Variants in PTPRD observed in about 807,000 individuals in gnomAD.
PTPRD encodes protein tyrosine phosphatase receptor type D.
In PTPRD, 34 loss-of-function variants were observed where a neutral mutation model predicts 214.5. The observed-to-expected ratio is 0.16, with a 90% CI of 0.12 to 0.21. PTPRD has a LOEUF of 0.21. Among genes scored for constraint, PTPRD ranks in the 10% least tolerant of loss-of-function variants. The pLI is 1.00. For synonymous variants in PTPRD, 1,128 were observed against 845.7 expected, an observed-to-expected ratio of 1.33 and a Z score of -5.79; for missense variants, 2,545 against 2,398.7, an observed-to-expected ratio of 1.06 and a Z score of -1.27.
chr9:9,338,589 T>C (rs891861054), intron 9 of PTPRD, among the ~76,000 whole-genome samples: 38 of 152,144 alleles, frequency 2.5e-4, no homozygotes, highest in Non-Finnish European at 8.8e-5. Context: ...AGCTAAACTA[T>C]TGGTATAAAA....
intron 4 of PTPRD, among the ~76,000 whole-genome samples, chr9:9,962,974 T>C (rs76463014): frequency 0.059 from 8,914 of 151,924 alleles, 257 homozygotes; most frequent in African/African-American, 0.074. Context: ...AATAGTATAG[T>C]AGTACCATTA....
In PTPRD at chr9:8,389,373, G is replaced by A. The variant is rs2135664469; in HGVS notation, c.4245C>T (p.Tyr1415=). The A allele has an allele frequency of 1.2e-6, 2 of 1,611,034 alleles. No individual in the cohort carries two copies. The highest frequency in any genetic ancestry group is 1.7e-6 in the Non-Finnish European group (2 of 1,178,574). ...CATTTTGCTTCCTATACCCATCTATGTAGTTGGCATTCACATAGTCACTTC... is the reference window on the plus strand; with the variant it reads ...CATTTTGCTTCCTATACCCATCTATATAGTTGGCATTCACATAGTCACTTC... ...IPGSDYVNAN[Y]IDGYRKQNAY... The change falls in exon 37 of 46, where the codon TAC becomes TAT. Residue 1415 remains tyrosine (Y), a synonymous_variant. Transcript: ENST00000381196.
chr9:9,860,392 A>G (rs1189581243), intron 5 of PTPRD, among the ~76,000 whole-genome samples: 1 of 152,240 alleles, frequency 6.6e-6, no homozygotes, highest in African/African-American at 2.4e-5. Flanking sequence ...TTGTCTGCAT[A>G]TAAAGTAGGT....
intron 3 of PTPRD, among the ~76,000 whole-genome samples, chr9:10,301,964 A>T (rs886391727): frequency 2.6e-5 from 4 of 152,188 alleles, no homozygotes; most frequent in Non-Finnish European, 5.9e-5. Context: ...CAAGACACAT[A>T]ATCGTCAGAT....
chr9:10,363,349 A>G (rs2097432858), intron 2 of PTPRD, among the ~76,000 whole-genome samples: 1 of 152,182 alleles, frequency 6.6e-6, no homozygotes, highest in South Asian at 2.1e-4. Flanking sequence ...AAAATCACTT[A>G]CAAGTTATAA....
At chr9:8,825,353 C>T (rs2097154381) in intron 11 of PTPRD, among the ~76,000 whole-genome samples, 1 of 152,034 alleles carries the variant, frequency 6.6e-6, no homozygotes, top group Non-Finnish European at 1.5e-5. Context: ...AAAATTGTGT[C>T]CTGTGACAAA....
intron 12 of PTPRD, among the ~76,000 whole-genome samples, chr9:8,666,127 C>G (rs570955064): frequency 6.4e-4 from 97 of 150,528 alleles, no homozygotes; most frequent in Non-Finnish European, 1.1e-3. Context: ...GCTATTTTGT[C>G]CATATTTTTA....
chr9:9,786,334 T>A lies in PTPRD; in HGVS notation c.-367-19483A>T, dbSNP rs542731320. ...GAATTATTGATACATTTGCATGCAT[T>A]TCATGGTTATATTCATGGTGGAAAA... On this transcript the variant is annotated intron_variant, in intron 5 of 45. Coordinates refer to ENST00000381196, the MANE Select transcript of PTPRD (RefSeq NM_002839.4). 5.3e-5 allele frequency among the ~76,000 whole-genome samples: 8 copies of A among 152,350 alleles called. No homozygotes were observed. In the South Asian group the frequency reaches 1.7e-3, roughly 32 times the overall value.
intron 5 of PTPRD, among the ~76,000 whole-genome samples, chr9:9,879,506 T>C (rs924311000): frequency 6.6e-6 from 1 of 152,202 alleles, no homozygotes; most frequent in Non-Finnish European, 1.5e-5. Context: ...GAAAATTAAA[T>C]AGAGGGTAAA....
intron 12 of PTPRD, among the ~76,000 whole-genome samples, chr9:8,683,782 GCCGA>G (rs2097604708): frequency 6.6e-6 from 1 of 152,210 alleles, no homozygotes; most frequent in South Asian, 2.1e-4. Flanking sequence ...CACGGCTTCT[GCCGA>G]CTCTCCTTCT....
intron 9 of PTPRD, among the ~76,000 whole-genome samples, chr9:9,378,000 T>C (rs2140169984): frequency 6.6e-6 from 1 of 152,136 alleles, no homozygotes; most frequent in South Asian, 2.1e-4. Context: ...CTCTCCCACA[T>C]ATGCACAACC....
intron 12 of PTPRD, among the ~76,000 whole-genome samples, chr9:8,640,119 T>C (rs934948451): frequency 6.6e-6 from 1 of 152,072 alleles, no homozygotes; most frequent in African/African-American, 2.4e-5. Flanking sequence ...TTTGTAGACA[T>C]GGGGTCTCCC....
At chr9:9,444,697 T>A (rs2089723362) in intron 8 of PTPRD, among the ~76,000 whole-genome samples, 1 of 152,178 alleles carries the variant, frequency 6.6e-6, no homozygotes, top group Non-Finnish European at 1.5e-5. Flanking sequence ...AAGAACAACC[T>A]TTTCCCTTTC....
chr9:9,676,476 A>C (rs1427710813), intron 7 of PTPRD, among the ~76,000 whole-genome samples: 1 of 151,996 alleles, frequency 6.6e-6, no homozygotes, highest in Non-Finnish European at 1.5e-5. Flanking sequence ...TTATGGCTGC[A>C]TAGTATTCCA....
At chr9:10,099,041 A>T (rs1418694506) in intron 3 of PTPRD, among the ~76,000 whole-genome samples, 1 of 151,818 alleles carries the variant, frequency 6.6e-6, no homozygotes, top group Non-Finnish European at 1.5e-5. Context: ...AGCTGCGCTC[A>T]GTTACAGAAA....
intron 8 of PTPRD, among the ~76,000 whole-genome samples, chr9:9,460,194 A>G (rs1175306586): frequency 6.6e-6 from 1 of 152,164 alleles, no homozygotes; most frequent in African/African-American, 2.4e-5. Flanking sequence ...AACTAGCTCA[A>G]GATGGATTAA....
At position 9,921,929 on chromosome 9, in the gene PTPRD, A is replaced by G. The variant is rs2082662744; in HGVS notation, c.-368+16578T>C. The stretch of plus-strand genomic sequence containing the variant: ...GCAATTTGCTGATTATCACATATTC[A>G]GTAAGTGGCAAAGCTAGTATTCAAG... On this transcript the variant is annotated intron_variant, in intron 5 of 45. Transcript: ENST00000381196. Among the ~76,000 whole-genome samples, 4 of 152,234 alleles carry G rather than the reference A, an allele frequency of 2.6e-5. No homozygotes were observed. The South Asian group carries it at 8.3e-4, about 32-fold the overall frequency.
chr9:9,867,844 G>A (rs1167924839), intron 5 of PTPRD, among the ~76,000 whole-genome samples: 1 of 152,150 alleles, frequency 6.6e-6, no homozygotes, highest in East Asian at 1.9e-4. Context: ...TTCAAAATGG[G>A]ACAGAAACTG....
At chr9:10,445,833 T>G (rs1232044506) in intron 2 of PTPRD, among the ~76,000 whole-genome samples, 1 of 152,122 alleles carries the variant, frequency 6.6e-6, no homozygotes, top group African/African-American at 2.4e-5. Flanking sequence ...AAGTGAGGTC[T>G]ACTTTTAAGA....
Sources: allele counts gnomAD v4.1 joint callset (sites outside exome capture counted in the v4.1 genomes callset), GRCh38; gene constraint gnomAD v4.1.1; transcripts MANE v1.5; gene names NCBI Gene and HGNC (gene_info 2026-07-23, HGNC 2026-07-21).